SNED1: variants seen among roughly 807,000 people sequenced by gnomAD.
SNED1 encodes sushi, nidogen and EGF-like domain-containing protein 1.
SNED1 carries 81 observed loss-of-function variants against 166.7 expected under a neutral mutation model. That is an observed-to-expected ratio of 0.49 (90% confidence interval 0.41 to 0.58). SNED1 has a LOEUF of 0.58. Ranked by LOEUF, SNED1 falls within the 20% of genes least tolerant of loss-of-function variation. SNED1 has a pLI of 0.00. For synonymous variants in SNED1, 762 were observed against 822.0 expected, an observed-to-expected ratio of 0.93 and a Z score of 1.25; for missense variants, 1,604 against 2,000.2, an observed-to-expected ratio of 0.80 and a Z score of 3.78.
intron 24 of SNED1, 98 bp from the exon 25 acceptor site, chr2:241,071,478 G>C (rs1366083416): frequency 7.1e-7 from 1 of 1,408,554 alleles, no homozygotes; most frequent in South Asian, 1.2e-5. Flanking sequence ...CCTTCTCCAA[G>C]CACGGCTGAG....
chr2:241,081,210 C>T (rs960022643), intron 27 of SNED1, among the ~76,000 whole-genome samples: 12 of 152,154 alleles, frequency 7.9e-5, no homozygotes, highest in African/African-American at 2.9e-4. Flanking sequence ...TGAGAGTTCA[C>T]AGGAAACACA....
intron 26 of SNED1, 40 bp downstream of exon 26, chr2:241,071,918 C>A: frequency 6.7e-7 from 1 of 1,481,842 alleles, no homozygotes. Flanking sequence ...GGTGGCCCAC[C>A]CTCGTCCTCA....
intron 2 of SNED1, among the ~76,000 whole-genome samples, 194 bp downstream of exon 2, chr2:241,030,765 A>G (rs1472257739): frequency 1.3e-5 from 2 of 152,208 alleles, no homozygotes; most frequent in African/African-American, 4.8e-5. Context: ...TGCTCCTGGA[A>G]GCCACTTGCC....
At chr2:241,053,025 TC>T in intron 15 of SNED1, 127 bp from the exon 16 acceptor site, 3 of 866,230 alleles carry the variant, frequency 3.5e-6, no homozygotes, top group Non-Finnish European at 5.2e-6. Context: ...GAGGCACCTT[TC>T]CCCGGTGAAG....
At chr2:241,057,886 C>T (rs923365580) in intron 16 of SNED1, among the ~76,000 whole-genome samples, 2 of 152,048 alleles carry the variant, frequency 1.3e-5, no homozygotes, top group Admixed American at 1.3e-4. Context: ...GGAGAGTTAT[C>T]AGATTTCATG....
chr2:241,057,036 A>C (rs892314246), intron 16 of SNED1, among the ~76,000 whole-genome samples: 6 of 152,182 alleles, frequency 3.9e-5, no homozygotes, highest in Non-Finnish European at 8.8e-5. Flanking sequence ...AAATGAAGAA[A>C]TACATCAACC....
intron 27 of SNED1, among the ~76,000 whole-genome samples, chr2:241,078,852 G>A (rs1358267489): frequency 7.3e-5 from 11 of 151,724 alleles, no homozygotes; most frequent in African/African-American, 2.7e-4. Context: ...GGTGGCTCAT[G>A]CCTGTAATCC....
At chr2:241,006,496 TAA>T (rs972336545) in intron 1 of SNED1, among the ~76,000 whole-genome samples, 5 of 152,146 alleles carry the variant, frequency 3.3e-5, no homozygotes, top group African/African-American at 1.2e-4. Context: ...AGCCAGTGAG[TAA>T]ATAGATTGAG....
chr2:241,060,128 T>C (rs1344898680), intron 16 of SNED1, among the ~76,000 whole-genome samples: 1 of 152,030 alleles, frequency 6.6e-6, no homozygotes, highest in African/African-American at 2.4e-5. Context: ...AAAAACATGA[T>C]AAATTTTTAA....
At chr2:241,047,601 T>C (rs1039629001) in intron 8 of SNED1, among the ~76,000 whole-genome samples, 1 of 152,228 alleles carries the variant, frequency 6.6e-6, no homozygotes, top group Non-Finnish European at 1.5e-5. Flanking sequence ...TTTCTGACCA[T>C]AGCAAAATTA....
In SNED1 at chr2:240,999,224, C is replaced by T. The variant is rs1413153563; in HGVS notation, c.213+174C>T. 2.0e-5 allele frequency among the ~76,000 whole-genome samples: 3 copies of T among 149,212 alleles called. No homozygotes were observed. The highest frequency in any genetic ancestry group is 4.5e-5 in the Non-Finnish European group (3 of 67,076). On this transcript the variant is annotated intron_variant, in intron 1 of 31. Transcript: ENST00000310397. The surrounding 1 kb of genome is among the most constrained non-coding windows in gnomAD (Gnocchi z 5.8). ...GCGGCCAAGGCCGGACAGCGGCCCGCGGGAGAGGCGCGCGGGCGGGGCGGG... is the reference window on the plus strand; with the variant it reads ...GCGGCCAAGGCCGGACAGCGGCCCGTGGGAGAGGCGCGCGGGCGGGGCGGG...
chr2:241,048,599 T>TG, intron 9 of SNED1, 63 bp from the exon 10 acceptor site: 1 of 1,522,798 alleles, frequency 6.6e-7, no homozygotes, highest in Non-Finnish European at 8.9e-7. Flanking sequence ...GGGCAGGGTC[T>TG]GGAGCGAGGG....
At chr2:241,030,858 G>GTA (rs1410669798) in intron 2 of SNED1, among the ~76,000 whole-genome samples, 2 of 152,230 alleles carry the variant, frequency 1.3e-5, no homozygotes, top group Non-Finnish European at 2.9e-5. Flanking sequence ...GAATGGCCCA[G>GTA]TACTCAAAAG....
chr2:241,037,241 C>T lies in SNED1; in HGVS notation c.933C>T (p.Asp311=), dbSNP rs753050502. ...SGFTGRRCHL[D]VNECASQPCQ... is the part of the protein sequence containing the mutation. ...GCCTCAGCCTGCCCCATGTTTCAGA[C>T]GTGAACGAATGTGCCTCCCAGCCCT... The change falls in exon 6 of 32, where the codon GAC becomes GAT. Residue 311 remains aspartate (D), a splice_region_variant and synonymous_variant. Coordinates refer to ENST00000310397, the MANE Select transcript of SNED1 (RefSeq NM_001080437.3). The T allele has an allele frequency of 1.3e-5, 21 of 1,607,128 alleles. No individual in the cohort carries two copies. Among genetic ancestry groups the T allele is most frequent in the Middle Eastern group, 3.3e-4 (2 of 6,052 alleles).
At position 241,065,659 on chromosome 2, in the gene SNED1, C is replaced by T. The variant is rs1460797340; in HGVS notation, c.3010+64C>T. ...TGCCCCTCGAGGGCAGCGCTGGCCC[C>T]GGCACCTGCAGGGCGGCTGTCATGC... On this transcript the variant is annotated intron_variant, in intron 21 of 31. Transcript: ENST00000310397. The T allele has an allele frequency of 8.4e-6, 12 of 1,420,768 alleles. 1 individual carries two copies. The highest frequency in any genetic ancestry group is 6.2e-5 in the South Asian group (5 of 80,388). The allele number at this position is 1,420,768 out of a possible 1,614,324, so 88.0% of individuals were successfully genotyped here.
At chr2:241,086,840 G>A (rs1311565236) in intron 29 of SNED1, among the ~76,000 whole-genome samples, 1 of 152,230 alleles carries the variant, frequency 6.6e-6, no homozygotes, top group Non-Finnish European at 1.5e-5. Flanking sequence ...ACTTGTAAGA[G>A]AGATGGTATG....
At chr2:241,001,690 C>G (rs534836914) in intron 1 of SNED1, among the ~76,000 whole-genome samples, 1 of 152,252 alleles carries the variant, frequency 6.6e-6, no homozygotes, top group East Asian at 1.9e-4. Context: ...TTCCTAGGGG[C>G]AGGTGCAGGG....
chr2:241,089,891 G>T (rs2063801667), intron 31 of SNED1: 3 of 1,504,900 alleles, frequency 2.0e-6, no homozygotes, highest in South Asian at 2.6e-5. Context: ...GAATACTGTA[G>T]GCGGTCGTAA....
Position 241,049,059 on chromosome 2 carries a change from C to T in SNED1, c.1542C>T (p.Cys514=), listed in dbSNP as rs1354214906. The change falls in exon 11 of 32, where the codon TGC becomes TGT. Residue 514 remains cysteine (C), a synonymous_variant. Coordinates refer to ENST00000310397, the MANE Select transcript of SNED1 (RefSeq NM_001080437.3). Reference sequence around the variant, plus strand: ...TGCCCTGCAACATGAACACACAGTGCCCAGATGGGGGCTACTGCATGGAGC... The same window carrying T: ...TGCCCTGCAACATGAACACACAGTGTCCAGATGGGGGCTACTGCATGGAGC... ...TAMPCNMNTQ[C]PDGGYCMEHG... The T allele has an allele frequency of 6.2e-7, 1 of 1,613,502 alleles. No homozygotes were observed. Among genetic ancestry groups the T allele is most frequent in the Non-Finnish European group, 8.5e-7 (1 of 1,179,664 alleles).
Sources: allele counts gnomAD v4.1 joint callset (sites outside exome capture counted in the v4.1 genomes callset), GRCh38; gene constraint gnomAD v4.1.1; non-coding constraint Gnocchi (gnomAD v3.1); transcripts MANE v1.5; gene names NCBI Gene and HGNC (gene_info 2026-07-23, HGNC 2026-07-21).